The following SYT1 variants were observed in gnomAD, a reference collection of about 807,000 sequenced individuals.
SYT1 encodes synaptotagmin 1.
A neutral mutation model predicts 44.8 loss-of-function variants in SYT1; 8 were observed. The ratio of observed to expected loss-of-function variants is 0.18; its 90% CI spans 0.10 to 0.32. SYT1 has a LOEUF of 0.32. Ranked by LOEUF, SYT1 falls within the 10% of genes least tolerant of loss-of-function variation. SYT1 has a pLI of 1.00. For missense variants in SYT1, 286 were observed against 509.3 expected (o/e 0.56, Z 4.22); for synonymous variants, 154 against 188.8 (o/e 0.82, Z 1.51).
chr12:79,255,230 ATTAG>A lies in SYT1; in HGVS notation c.167-30555_167-30552del, dbSNP rs376507181. On this transcript the variant is annotated intron_variant, in intron 4 of 10. Transcript: ENST00000261205. ...CCAAACTTTAGCAACCACCACCCTA[ATTAG>A]TCAGCATCCATCAGCCTTCAACACA... Among the ~76,000 whole-genome samples the A allele has an allele frequency of 3.9e-3, 601 of 152,276 alleles. 7 individuals are homozygous for A. The highest frequency in any genetic ancestry group is 0.014 in the African/African-American group (584 of 41,558).
At chr12:79,038,885 A>G (rs907530063) in intron 2 of SYT1, among the ~76,000 whole-genome samples, 3 of 152,016 alleles carry the variant, frequency 2.0e-5, no homozygotes, top group African/African-American at 7.2e-5. Flanking sequence ...TCTCCTCAAA[A>G]GAAATGCTTG....
At chr12:79,400,984 G>A (rs900296884) in intron 9 of SYT1, among the ~76,000 whole-genome samples, 2 of 152,160 alleles carry the variant, frequency 1.3e-5, no homozygotes, top group African/African-American at 2.4e-5. Flanking sequence ...CATGTCATCT[G>A]GGCATTGGCT....
intron 1 of SYT1, among the ~76,000 whole-genome samples, chr12:78,944,008 A>T (rs1878522049): frequency 1.3e-5 from 2 of 152,158 alleles, no homozygotes; most frequent in African/African-American, 4.8e-5. Flanking sequence ...TTGAATGATG[A>T]TATCTCATAA....
chr12:79,062,963 C>T (rs1875499117), intron 3 of SYT1, among the ~76,000 whole-genome samples: 1 of 151,996 alleles, frequency 6.6e-6, no homozygotes, highest in Admixed American at 6.6e-5. Flanking sequence ...GTGACTTGTC[C>T]AAGACAAGAA....
intron 2 of SYT1, among the ~76,000 whole-genome samples, chr12:78,982,526 G>T (rs975402244): frequency 6.6e-6 from 1 of 152,118 alleles, no homozygotes; most frequent in Non-Finnish European, 1.5e-5. Flanking sequence ...CAAGAGCAAA[G>T]GATGAGTTTT....
At chr12:79,069,427 A>C (rs2137891573) in intron 3 of SYT1, among the ~76,000 whole-genome samples, 1 of 152,194 alleles carries the variant, frequency 6.6e-6, no homozygotes, top group East Asian at 1.9e-4. Flanking sequence ...AAATATTCAC[A>C]GACTTTTTCA....
chr12:78,875,251 T>C (rs1215445045), intron 1 of SYT1, among the ~76,000 whole-genome samples: 2 of 151,666 alleles, frequency 1.3e-5, no homozygotes, highest in Non-Finnish European at 3.0e-5. Context: ...ATGATGTTCC[T>C]ATTATATGCC....
At chr12:79,356,121 A>G (rs1883102457) in intron 9 of SYT1, among the ~76,000 whole-genome samples, 1 of 150,840 alleles carries the variant, frequency 6.6e-6, no homozygotes, top group Non-Finnish European at 1.5e-5. Context: ...CGTCTGGGAG[A>G]GAGAACAACC....
At chr12:79,387,289 G>C (rs1209685394) in intron 9 of SYT1, among the ~76,000 whole-genome samples, 2 of 152,146 alleles carry the variant, frequency 1.3e-5, no homozygotes, top group Non-Finnish European at 2.9e-5. Flanking sequence ...GCCCAGAAAA[G>C]AGACTAGAAA....
intron 3 of SYT1, among the ~76,000 whole-genome samples, chr12:79,174,676 G>C (rs927302119): frequency 6.6e-6 from 1 of 152,002 alleles, no homozygotes; most frequent in Non-Finnish European, 1.5e-5. Flanking sequence ...GAAGCTCCAG[G>C]AAACTGTTGA....
intron 3 of SYT1, among the ~76,000 whole-genome samples, chr12:79,097,974 G>T (rs1210832575): frequency 2.6e-5 from 4 of 151,892 alleles, no homozygotes; most frequent in African/African-American, 9.7e-5. Flanking sequence ...ACCAGACATT[G>T]CATGGTCTTT....
At chr12:79,119,056 G>A (rs1053806906) in intron 3 of SYT1, among the ~76,000 whole-genome samples, 9 of 152,028 alleles carry the variant, frequency 5.9e-5, no homozygotes, top group Admixed American at 2.0e-4. Context: ...AGGGCTGGTC[G>A]TTTTCTTCTT....
chr12:78,986,800 A>C (rs570113876), intron 2 of SYT1, among the ~76,000 whole-genome samples: 1 of 152,090 alleles, frequency 6.6e-6, no homozygotes, highest in South Asian at 2.1e-4. Flanking sequence ...GACTGTGATG[A>C]GTTGTTCTCC....
chr12:79,212,705 T>A (rs1306643590), intron 3 of SYT1, among the ~76,000 whole-genome samples: 1 of 152,204 alleles, frequency 6.6e-6, no homozygotes, highest in Non-Finnish European at 1.5e-5. Context: ...TAAGATGACT[T>A]GTGTCTTCCA....
At chr12:79,324,454 C>G (rs546138226) in intron 8 of SYT1, among the ~76,000 whole-genome samples, 2 of 152,232 alleles carry the variant, frequency 1.3e-5, no homozygotes, top group Admixed American at 1.3e-4. Flanking sequence ...CTCCTCTTAA[C>G]ACCTCTGCCA....
chr12:79,287,560 A>G (rs1879372396), intron 5 of SYT1, among the ~76,000 whole-genome samples: 2 of 152,170 alleles, frequency 1.3e-5, no homozygotes, highest in Admixed American at 6.6e-5. Flanking sequence ...TAATTTGACA[A>G]TAGATCACTA....
intron 1 of SYT1, among the ~76,000 whole-genome samples, chr12:78,974,307 G>A (rs945471263): frequency 1.3e-5 from 2 of 151,664 alleles, no homozygotes; most frequent in Non-Finnish European, 2.9e-5. Flanking sequence ...TTATTATTTG[G>A]TGCATAACTA....
chr12:79,221,330 C>T (rs1448739211), intron 4 of SYT1, among the ~76,000 whole-genome samples: 1 of 152,072 alleles, frequency 6.6e-6, no homozygotes, highest in Non-Finnish European at 1.5e-5. Context: ...CTGTAGACAG[C>T]ATGTAGCTGG....
intron 3 of SYT1, among the ~76,000 whole-genome samples, chr12:79,185,773 T>TA (rs1872765803): frequency 6.6e-6 from 1 of 152,074 alleles, no homozygotes; most frequent in Non-Finnish European, 1.5e-5. Context: ...ATGTAATGAT[T>TA]ATTTTATAGC....
Sources: allele counts gnomAD v4.1 joint callset (sites outside exome capture counted in the v4.1 genomes callset), GRCh38; gene constraint gnomAD v4.1.1; transcripts MANE v1.5; gene names NCBI Gene and HGNC (gene_info 2026-07-23, HGNC 2026-07-21).